GPX4: variants seen among roughly 807,000 people sequenced by gnomAD.
GPX4 encodes glutathione peroxidase 4, also known as phospholipid hydroperoxide glutathione peroxidase GPX4.
GPX4 carries 28 observed loss-of-function variants against 27.8 expected under a neutral mutation model. The ratio of observed to expected loss-of-function variants is 1.01; its 90% CI spans 0.75 to 1.38. The LOEUF is 1.38. Ranked by LOEUF, GPX4 falls within the 40% of genes most tolerant of loss-of-function variation. The pLI is 0.00. For synonymous variants in GPX4, 163 were observed against 107.8 expected (o/e 1.51, Z -3.17); for missense variants, 357 against 274.1 (o/e 1.30, Z -2.14).
chr19:1,106,390 C>T lies in GPX4; in HGVS notation c.502-10C>T. On this transcript the variant is annotated splice_polypyrimidine_tract_variant and intron_variant, in intron 5 of 6. Transcript: ENST00000354171. ...GGTGGCCCCACAGTTTGGACACCGT[C>T]TCTCCACAGTTCCTCATCGACAAGA... 6.2e-7 allele frequency: 1 copy of T among 1,613,520 alleles called. No homozygotes were observed. Among genetic ancestry groups the T allele is most frequent in the African/African-American group, 1.3e-5 (1 of 74,992 alleles).
In GPX4 at chr19:1,104,030, C is replaced by T. The variant is rs2079619134; in HGVS notation, c.-14C>T. The T allele has an allele frequency of 2.0e-6, 3 of 1,517,904 alleles. No individual in the cohort carries two copies. The highest frequency in any genetic ancestry group is 2.0e-5 in the Admixed American group (1 of 49,738). The allele number at this position is 1,517,904 out of a possible 1,614,324, so 94.0% of individuals were successfully genotyped here. On this transcript the variant is annotated 5_prime_UTR_variant, in exon 1 of 7. Transcript: ENST00000354171. The stretch of plus-strand genomic sequence containing the variant: ...GGACGAGGGGAGGAGCCGCTGGCTC[C>T]CAGCCCCGCCGCGATGAGCCTCGGC...
At chr19:1,104,424 G>A (rs1458485271) in intron 1 of GPX4, 4 of 384,662 alleles carry the variant, frequency 1.0e-5, no homozygotes, top group Non-Finnish European at 1.8e-5. Flanking sequence ...TTGCAGGCGC[G>A]CGTGCCGGGG....
rs1257403287 is a variant in GPX4 at position 1,105,407 on chromosome 19, G to T, written c.221G>T (p.Gly74Val). 1 of 1,611,632 alleles carries T rather than the reference G, an allele frequency of 6.2e-7. No homozygotes were observed. The highest frequency in any genetic ancestry group is 8.5e-7 in the Non-Finnish European group (1 of 1,179,110). ...GTCACCAACGTGGCCTCCCAGTGAG[G>T]CAAGACCGAAGTAAACTACACTCAG... The part of the protein sequence containing the change: ...CIVTNVASQU[G>V]KTEVNYTQLV... The change falls in exon 3 of 7, where the codon GGC becomes GTC. Residue 74 changes from glycine to valine, a missense_variant. Transcript: ENST00000354171.
At position 1,106,766 on chromosome 19, in the gene GPX4, AAC is replaced by A; in HGVS notation, c.*196_*197del. 1 of 665,864 alleles carries A rather than the reference AAC, an allele frequency of 1.5e-6. No individual in the cohort carries two copies. The highest frequency in any genetic ancestry group is 2.5e-6 in the Non-Finnish European group (1 of 397,646). 41.2% of individuals were successfully genotyped at this position (665,864 alleles called of 1,614,324 possible). A position where few individuals can be genotyped will look rare whatever the true frequency, so the allele number is the denominator to read the frequency against. On this transcript the variant is annotated 3_prime_UTR_variant, in exon 7 of 7. Transcript: ENST00000354171. ...CACCCCTGGCTACCTTGTGGGAATA[AAC>A]AGACAAATTAGCCTGCTGGATCTTT...
In GPX4 at chr19:1,106,673, C is replaced by T. The variant is rs1375689030; in HGVS notation, c.*101C>T. 2 of 1,518,032 alleles carry T rather than the reference C, an allele frequency of 1.3e-6. No individual in the cohort carries two copies. The highest frequency in any genetic ancestry group is 1.9e-5 in the Admixed American group (1 of 52,986). The allele number at this position is 1,518,032 out of a possible 1,614,324, so 94.0% of individuals were successfully genotyped here. A position where few individuals can be genotyped will look rare whatever the true frequency, so the allele number is the denominator to read the frequency against. On this transcript the variant is annotated 3_prime_UTR_variant, in exon 7 of 7. Coordinates refer to ENST00000354171, the MANE Select transcript of GPX4 (RefSeq NM_002085.5). The stretch of plus-strand genomic sequence containing the variant: ...CCTGCAAACCTGCTGGTGGGGCAGA[C>T]CCGAAAATCCAGCGTGCACCCCGCC...
Position 1,105,755 on chromosome 19 carries a change from A to C in GPX4, c.422A>C (p.His141Pro). Residue 141 changes from histidine (H) to proline (P), a missense_variant, in exon 4 of 7, where the codon CAC becomes CCC. Physicochemically the swap from His to Pro is moderately conservative, Grantham distance 77. Coordinates refer to ENST00000354171, the MANE Select transcript of GPX4 (RefSeq NM_002085.5). ...ATCTGCGTGAACGGGGACGACGCCCACCCGCTGTGGAAGTGGATGAAGATC... is the reference window on the plus strand; with the variant it reads ...ATCTGCGTGAACGGGGACGACGCCCCCCCGCTGTGGAAGTGGATGAAGATC... The part of the protein sequence containing the change: ...SKICVNGDDA[H>P]PLWKWMKIQP... 6.5e-7 allele frequency: 1 copy of C among 1,544,100 alleles called. No individual in the cohort carries two copies. The highest frequency in any genetic ancestry group is 8.8e-7 in the Non-Finnish European group (1 of 1,141,050).
At chr19:1,106,307 CCACAGCCG>C in intron 5 of GPX4, 41 bp downstream of exon 5, 1 of 1,606,346 alleles carries the variant, frequency 6.2e-7, no homozygotes, top group East Asian at 2.2e-5. Context: ...CTTCCCCTGG[CCACAGCCG>C]TGGCCCAGAT....
intron 3 of GPX4, 27 bp from the exon 4 acceptor site, chr19:1,105,631 C>T (rs761352256): frequency 6.2e-7 from 1 of 1,609,848 alleles, no homozygotes; most frequent in Admixed American, 1.7e-5. Flanking sequence ...CAGCCCCCGA[C>T]TCACTCACAC....
rs8178977 is a variant in GPX4 at position 1,106,478 on chromosome 19, G to C, written c.561+19G>C. The C allele has an allele frequency of 0.24, 389,917 of 1,612,450 alleles. 48,695 individuals are homozygous for C. The highest frequency in any genetic ancestry group is 0.36 in the Admixed American group (21,792 of 59,980). On this transcript the variant is annotated intron_variant, in intron 6 of 6. Coordinates refer to ENST00000354171, the MANE Select transcript of GPX4 (RefSeq NM_002085.5). ...GCCCCTGGTAGGTCCTCTCTAGGGA[G>C]CCCGCTTGAGGCTCGGGGGCTTGGG... is the stretch of plus-strand genomic sequence containing the variant.
intron 5 of GPX4, 55 bp downstream of exon 5, chr19:1,106,321 C>A: frequency 6.2e-7 from 1 of 1,606,776 alleles, no homozygotes; most frequent in Non-Finnish European, 8.5e-7. Flanking sequence ...AGCCGTGGCC[C>A]AGATGGGCAG....
rs1008526567 is a variant in GPX4 at position 1,104,090 on chromosome 19, G to C, written c.47G>C (p.Cys16Ser). Residue 16 changes from cysteine (C) to serine (S), a missense_variant, in exon 1 of 7, where the codon TGT becomes TCT. Transcript: ENST00000354171. The part of the protein sequence containing the change: ...LCRLLKPALL[C>S]GALAAPGLAG... ...CGCCTACTGAAGCCGGCGCTGCTCT[G>C]TGGGGCTCTGGCCGCGCCTGGCCTG... 32 of 1,512,856 alleles carry C rather than the reference G, an allele frequency of 2.1e-5. 1 individual carries two copies. The highest frequency in any genetic ancestry group is 2.6e-5 in the Non-Finnish European group (30 of 1,137,560). The allele number at this position is 1,512,856 out of a possible 1,614,324, so 93.7% of individuals were successfully genotyped here.
chr19:1,106,226 T>C lies in GPX4; in HGVS notation c.477-16T>C. 1.2e-6 allele frequency: 2 copies of C among 1,601,052 alleles called. No individual in the cohort carries two copies. Among genetic ancestry groups the C allele is most frequent in the Non-Finnish European group, 8.5e-7 (1 of 1,173,076 alleles). ...GGGCTGCTGGGGACGCTCACGTCCA[T>C]GTGCTTCTTTTCCAGTGCCATCAAG... On this transcript the variant is annotated splice_polypyrimidine_tract_variant and intron_variant, in intron 4 of 6. Transcript: ENST00000354171.
chr19:1,104,015 A>AG lies in GPX4; in HGVS notation c.-27dup. On this transcript the variant is annotated 5_prime_UTR_variant, in exon 1 of 7. Coordinates refer to ENST00000354171, the MANE Select transcript of GPX4 (RefSeq NM_002085.5). ...GTCCATTGGTCGGCTGGACGAGGGG[A>AG]GGAGCCGCTGGCTCCCAGCCCCGCC... 6.6e-7 allele frequency: 1 copy of AG among 1,511,648 alleles called. No individual in the cohort carries two copies. Among genetic ancestry groups the AG allele is most frequent in the South Asian group, 1.2e-5 (1 of 81,876 alleles). 93.6% of individuals were successfully genotyped at this position (1,511,648 alleles called of 1,614,324 possible). A position where few individuals can be genotyped will look rare whatever the true frequency, so the allele number is the denominator to read the frequency against.
intron 1 of GPX4, chr19:1,104,648 G>A (rs2079626170): frequency 2.0e-6 from 2 of 985,368 alleles, no homozygotes; most frequent in Non-Finnish European, 2.4e-6. Flanking sequence ...TCACAGTCGC[G>A]CAGTCCTGAC....
intron 1 of GPX4, chr19:1,104,876 TG>T (rs1487700911): frequency 2.0e-5 from 25 of 1,279,706 alleles, no homozygotes; most frequent in Non-Finnish European, 2.5e-5. Context: ...GAAGAAGCCC[TG>T]TCCCCGCAGC....
In GPX4 at chr19:1,105,690, C is replaced by T. The variant is rs757440433; in HGVS notation, c.357C>T (p.Phe119=). 3.2e-5 allele frequency: 51 copies of T among 1,612,656 alleles called. No homozygotes were observed. The highest frequency in any genetic ancestry group is 3.6e-5 in the Non-Finnish European group (42 of 1,179,588). The change falls in exon 4 of 7, where the codon TTC becomes TTT. Residue 119 remains phenylalanine, a synonymous_variant. Coordinates refer to ENST00000354171, the MANE Select transcript of GPX4 (RefSeq NM_002085.5). The stretch of plus-strand genomic sequence containing the variant: ...GGAGTAACGAAGAGATCAAAGAGTT[C>T]GCCGCGGGCTACAACGTCAAATTCG... ...EPGSNEEIKE[F]AAGYNVKFDM...
intron 4 of GPX4, 128 bp from the exon 5 acceptor site, chr19:1,106,114 G>A (rs8178975): frequency 4.0e-5 from 34 of 840,120 alleles, no homozygotes; most frequent in Non-Finnish European, 5.8e-5. Context: ...CTCTGGGGGG[G>A]CTTGGGGGCA....
rs761444591 is a variant in GPX4, at chr19:1,106,515, C to G, written c.562-25C>G. On this transcript the variant is annotated intron_variant, in intron 6 of 6. Coordinates refer to ENST00000354171, the MANE Select transcript of GPX4 (RefSeq NM_002085.5). ...CTCGGGGGCTTGGGAGGTAGCTGCC[C>G]TAACCCAGCTTTCCTCCCCGACAGG... 1.9e-6 allele frequency: 3 copies of G among 1,611,356 alleles called. No individual in the cohort carries two copies. In the South Asian group the frequency reaches 3.3e-5, roughly 18 times the overall value.
Position 1,106,426 on chromosome 19 carries a change from G to T in GPX4, c.528G>T (p.Val176=). The change falls in exon 6 of 7, where the codon GTG becomes GTT. Residue 176 remains valine, a synonymous_variant. Transcript: ENST00000354171. Reference sequence around the variant, plus strand: ...TCCTCATCGACAAGAACGGCTGCGTGGTGAAGCGCTACGGACCCATGGAGG... The same window carrying T: ...TCCTCATCGACAAGAACGGCTGCGTTGTGAAGCGCTACGGACCCATGGAGG... ...TKFLIDKNGC[V]VKRYGPMEEP... 6.2e-7 allele frequency: 1 copy of T among 1,613,470 alleles called. No individual in the cohort carries two copies. The highest frequency in any genetic ancestry group is 8.5e-7 in the Non-Finnish European group (1 of 1,179,942).
Sources: gnomAD v4.1 joint callset for allele counts on GRCh38, gnomAD v4.1.1 for gene constraint, MANE v1.5 for transcripts, NCBI Gene and HGNC (gene_info 2026-07-23, HGNC 2026-07-21) for gene names.